Variants in ITGAE observed in about 807,000 individuals in gnomAD.
The protein encoded by ITGAE is integrin subunit alpha E, also known as integrin alpha-E.
Under a neutral mutation model 136.5 loss-of-function variants are expected in ITGAE, and 99 were observed. The observed-to-expected ratio is 0.73, with a 90% CI of 0.62 to 0.86. The LOEUF (loss-of-function observed/expected upper bound fraction) is 0.86, where lower values mean the gene tolerates loss of function less well. Among genes scored for constraint, ITGAE ranks in the 40% least tolerant of loss-of-function variants. ITGAE has a pLI of 0.00. For missense variants in ITGAE, 1,447 were observed against 1,515.3 expected (o/e 0.95, Z 0.75); for synonymous variants, 613 against 591.8 (o/e 1.04, Z -0.52).
chr17:3,793,969 C>T (rs986334121), intron 1 of ITGAE, among the ~76,000 whole-genome samples: 2 of 134,756 alleles, frequency 1.5e-5, no homozygotes, highest in Non-Finnish European at 3.1e-5. Context: ...GCTTCCTCTT[C>T]ATCCTTTTTT....
chr17:3,783,055 A>G (rs2052700946), intron 1 of ITGAE, among the ~76,000 whole-genome samples: 2 of 152,136 alleles, frequency 1.3e-5, no homozygotes, highest in African/African-American at 4.8e-5. Context: ...CGCACAGCCT[A>G]TTTCCATGTG....
At chr17:3,788,042 T>C (rs907710080) in intron 1 of ITGAE, among the ~76,000 whole-genome samples, 3 of 152,174 alleles carry the variant, frequency 2.0e-5, no homozygotes, top group African/African-American at 7.2e-5. Context: ...CCTGACTATT[T>C]TGATAATCTC....
intron 1 of ITGAE, among the ~76,000 whole-genome samples, chr17:3,792,822 A>G (rs1288320675): frequency 6.6e-6 from 1 of 152,236 alleles, no homozygotes; most frequent in Non-Finnish European, 1.5e-5. Flanking sequence ...ACAAAATTCA[A>G]AAAACAAAAC....
At chr17:3,769,108 G>A (rs2052361921) in intron 2 of ITGAE, among the ~76,000 whole-genome samples, 1 of 152,164 alleles carries the variant, frequency 6.6e-6, no homozygotes, top group African/African-American at 2.4e-5. Flanking sequence ...GAAGGGTGGG[G>A]TCAAAACTGG....
At chr17:3,716,223 CAG>C (rs67962468) in intron 30 of ITGAE, among the ~76,000 whole-genome samples, 79,995 of 151,000 alleles carry the variant, frequency 0.53, 22,018 homozygotes, top group African/African-American at 0.64. Flanking sequence ...GGGTAGCGGA[CAG>C]AGAGGAGAGG....
intron 2 of ITGAE, among the ~76,000 whole-genome samples, chr17:3,772,433 CCA>C: frequency 6.6e-6 from 1 of 151,182 alleles, no homozygotes; most frequent in East Asian, 2.0e-4. Flanking sequence ...TGAATTGGCC[CCA>C]TCCTTACCAC....
intron 23 of ITGAE, among the ~76,000 whole-genome samples, chr17:3,730,870 C>G (rs1225367382): frequency 6.6e-6 from 1 of 152,192 alleles, no homozygotes; most frequent in Non-Finnish European, 1.5e-5. Flanking sequence ...GCTCATTCCA[C>G]CAGGCTGTAC....
intron 1 of ITGAE, among the ~76,000 whole-genome samples, chr17:3,783,569 G>A (rs1166728950): frequency 1.3e-5 from 2 of 152,052 alleles, no homozygotes; most frequent in African/African-American, 4.8e-5. Context: ...TTGTTTTATT[G>A]GTCAATTAAT....
In ITGAE at chr17:3,753,865, C is replaced by T. The variant is rs2272606; in HGVS notation, c.1445G>A (p.Arg482Gln). The change falls in exon 13 of 31, where the codon CGG (arginine) becomes CAG (glutamine). Residue 482 changes from arginine to glutamine, a missense_variant. Physicochemically the swap from Arg to Gln is conservative, Grantham distance 43. This residue lies in a region of ITGAE where 1,031 missense variants were observed against 1,011.4 expected (regional missense o/e 1.02). Transcript: ENST00000263087. ...AAACACGGCCCCATGATGTTTGTAC[C>T]GTGGAGCCCCCGCGATGTAGGAGAG... ...CSLSYIAGAP[R>Q]YKHHGAVFEL... 0.68 allele frequency: 1,090,265 copies of T among 1,613,682 alleles called. 380,549 individuals carry two copies. The highest frequency in any genetic ancestry group is 0.74 in the African/African-American group (55,366 of 74,956).
chr17:3,717,115 A>C (rs2050958438), intron 29 of ITGAE: 1 of 275,566 alleles, frequency 3.6e-6, no homozygotes, highest in Non-Finnish European at 7.0e-6. Flanking sequence ...ATCCGGTCTC[A>C]ACACAGGACT....
intron 26 of ITGAE, chr17:3,726,254 A>G (rs2051209515): frequency 1.2e-6 from 2 of 1,614,114 alleles, no homozygotes; most frequent in African/African-American, 2.7e-5. Context: ...TTAAGAGAAA[A>G]ATCCAGGAGT....
chr17:3,733,641 G>C (rs188101464), intron 21 of ITGAE, among the ~76,000 whole-genome samples: 1 of 152,172 alleles, frequency 6.6e-6, no homozygotes, highest in South Asian at 2.1e-4. Flanking sequence ...GGCTGGTCTC[G>C]AACTCCTGAC....
chr17:3,728,686 T>C (rs2051273318), intron 24 of ITGAE, among the ~76,000 whole-genome samples: 2 of 150,532 alleles, frequency 1.3e-5, no homozygotes, highest in Admixed American at 1.3e-4. Flanking sequence ...TCTTTTTGAA[T>C]GAACTCGACT....
chr17:3,790,955 C>A (rs2052922922), intron 1 of ITGAE, among the ~76,000 whole-genome samples: 1 of 151,950 alleles, frequency 6.6e-6, no homozygotes, highest in Non-Finnish European at 1.5e-5. Context: ...GAGATCGAGA[C>A]CGTCCTGGCT....
chr17:3,790,930 A>G (rs2052922312), intron 1 of ITGAE, among the ~76,000 whole-genome samples: 1 of 152,170 alleles, frequency 6.6e-6, no homozygotes, highest in African/African-American at 2.4e-5. Flanking sequence ...CAAGGCAGGC[A>G]GATCACGAGG....
At chr17:3,797,144 TATA>T (rs1567566672) in intron 1 of ITGAE, among the ~76,000 whole-genome samples, 1 of 25,482 alleles carries the variant, frequency 3.9e-5, no homozygotes, top group Non-Finnish European at 8.1e-5. Context: ...AAACTAAATA[TATA>T]TATATATATA....
At position 3,797,416 on chromosome 17, in the gene ITGAE, T is replaced by C. The variant is rs574432560; in HGVS notation, c.34+3695A>G. The stretch of plus-strand genomic sequence containing the variant: ...TCCTGACCTCATGATCTGCCCACCT[T>C]GGCCTCCTAAAGTGCTGGGATTACA... On this transcript the variant is annotated intron_variant, in intron 1 of 30. Transcript: ENST00000263087. 4.6e-3 allele frequency among the ~76,000 whole-genome samples: 696 copies of C among 150,490 alleles called. 7 individuals are homozygous for C. The highest frequency in any genetic ancestry group is 0.044 in the East Asian group (224 of 5,058).
intron 26 of ITGAE, chr17:3,725,417 GT>G (rs759403494): frequency 1.2e-6 from 2 of 1,614,206 alleles, no homozygotes; most frequent in Non-Finnish European, 1.7e-6. Flanking sequence ...GGGAAGGGGT[GT>G]TTGGCGAAGT....
In ITGAE at chr17:3,750,441, G is replaced by T; in HGVS notation, c.1935C>A (p.Phe645Leu). 1 of 1,614,184 alleles carries T rather than the reference G, an allele frequency of 6.2e-7. No individual in the cohort carries two copies. The highest frequency in any genetic ancestry group is 1.1e-5 in the South Asian group (1 of 91,086). Residue 645 changes from phenylalanine to leucine, a missense_variant, in exon 16 of 31, where the codon TTC (phenylalanine) becomes TTA (leucine). Phe to Leu is a conservative substitution (Grantham distance 22, BLOSUM62 0). Around this residue, in one of 3 missense-constraint regions of ITGAE, gnomAD observed 1,031 missense variants for 1,011.4 expected, o/e 1.02. Transcript: ENST00000263087. ...ASTVAPGLQYFGMSMAGGFDI... is the reference protein window; with the variant it reads ...ASTVAPGLQYLGMSMAGGFDI... ...CAAAGCCACCAGCCATGGACATGCC[G>T]AAGTACTGGAGTCCTGGGGCCACCG...
Sources: gnomAD v4.1 joint callset for allele counts (sites outside exome capture counted in the v4.1 genomes callset) on GRCh38, gnomAD v4.1.1 for gene constraint, gnomAD v4.1.1 regional missense constraint, MANE v1.5 for transcripts, NCBI Gene and HGNC (gene_info 2026-07-23, HGNC 2026-07-21) for gene names.